Variants in ERC1 observed in about 807,000 individuals in gnomAD.
ERC1 encodes the protein ELKS/RAB6-interacting/CAST family member 1.
In ERC1, 56 loss-of-function variants were observed where a neutral mutation model predicts 132.0. The observed-to-expected ratio is 0.42, with a 90% confidence interval of 0.34 to 0.53. ERC1 has a LOEUF of 0.53. Among genes scored for constraint, ERC1 ranks in the 20% least tolerant of loss-of-function variants. The pLI is 0.03. For missense variants in ERC1, 1,202 were observed against 1,349.9 expected (o/e 0.89, Z 1.72); for synonymous variants, 478 against 476.1 (o/e 1.00, Z -0.05).
At chr12:1,488,530 T>A (rs910532609) in intron 18 of ERC1, among the ~76,000 whole-genome samples, 1 of 152,036 alleles carries the variant, frequency 6.6e-6, no homozygotes, top group Non-Finnish European at 1.5e-5. Context: ...CTCCAAAAAA[T>A]TAAAATTTAA....
intron 1 of ERC1, among the ~76,000 whole-genome samples, chr12:1,012,405 A>G (rs2107643): frequency 0.054 from 8,278 of 152,176 alleles, 368 homozygotes; most frequent in Admixed American, 0.15. Context: ...ACAGACTTAA[A>G]ATTCCTGTGC....
chr12:1,155,313 T>G (rs1951267513), intron 8 of ERC1, among the ~76,000 whole-genome samples: 1 of 50,984 alleles, frequency 2.0e-5, no homozygotes, highest in Non-Finnish European at 3.2e-5. Context: ...AGACTTCATC[T>G]CAAAAAAAAA....
At chr12:1,170,072 G>A (rs575809514) in intron 8 of ERC1, among the ~76,000 whole-genome samples, 76 of 152,172 alleles carry the variant, frequency 5.0e-4, no homozygotes, top group African/African-American at 1.8e-3. Flanking sequence ...GTATGGAAAA[G>A]CTATAAAAAG....
At chr12:1,316,316 TTTCTC>T (rs1452059720) in intron 15 of ERC1, among the ~76,000 whole-genome samples, 1 of 152,208 alleles carries the variant, frequency 6.6e-6, no homozygotes, top group East Asian at 1.9e-4. Flanking sequence ...GAGACTTTCT[TTTCTC>T]TGTTAACCAT....
chr12:1,296,010 G>GAAA (rs77971645), intron 15 of ERC1, among the ~76,000 whole-genome samples: 10,468 of 90,258 alleles, frequency 0.12, 469 homozygotes, highest in South Asian at 0.22. Flanking sequence ...TGGTTTAACA[G>GAAA]AAAAAAAAAA....
chr12:1,251,358 G>A (rs190238965), intron 13 of ERC1, among the ~76,000 whole-genome samples: 115 of 152,052 alleles, frequency 7.6e-4, no homozygotes, highest in Non-Finnish European at 1.3e-3. Context: ...CTATTTAAAT[G>A]TTTAATCCTG....
intron 8 of ERC1, among the ~76,000 whole-genome samples, chr12:1,179,594 G>A (rs1433150191): frequency 7.3e-6 from 1 of 136,788 alleles, no homozygotes; most frequent in East Asian, 2.4e-4. Flanking sequence ...TGCAGGCTCC[G>A]CCTCCCGGGT....
rs1214746157 is a variant in ERC1, at chr12:1,190,462, G to A, written c.2351+410G>A. ...TTGTTGTTGAGCTAATGCTCTGTTG[G>A]GCTATAAATTTTTAGACTTTTCACA... On this transcript the variant is annotated intron_variant, in intron 12 of 18. Transcript: ENST00000360905. Among the ~76,000 whole-genome samples the A allele has an allele frequency of 2.0e-5, 3 of 152,036 alleles. No individual in the cohort carries two copies. In the South Asian group the frequency reaches 6.2e-4, roughly 32 times the overall value.
chr12:1,206,830 T>C (rs1957391778), intron 12 of ERC1, among the ~76,000 whole-genome samples: 1 of 152,114 alleles, frequency 6.6e-6, no homozygotes, highest in African/African-American at 2.4e-5. Flanking sequence ...TAGACTTGTT[T>C]TTAAAACAAA....
chr12:1,348,572 A>G (rs566768977), intron 15 of ERC1, among the ~76,000 whole-genome samples: 1 of 152,220 alleles, frequency 6.6e-6, no homozygotes, highest in South Asian at 2.1e-4. Flanking sequence ...AGGCGCCCAT[A>G]GTCCCAATTA....
At chr12:1,294,646 A>G (rs1297824931) in intron 15 of ERC1, among the ~76,000 whole-genome samples, 1 of 152,118 alleles carries the variant, frequency 6.6e-6, no homozygotes, top group East Asian at 1.9e-4. Context: ...TATAGGATCA[A>G]CCCTCATCCC....
chr12:1,145,302 C>T (rs1950250035), intron 8 of ERC1, among the ~76,000 whole-genome samples: 1 of 152,186 alleles, frequency 6.6e-6, no homozygotes, highest in Non-Finnish European at 1.5e-5. Context: ...CAGGTGTGAG[C>T]CACCGCACCC....
intron 16 of ERC1, among the ~76,000 whole-genome samples, chr12:1,382,059 C>T (rs1343326155): frequency 1.3e-5 from 2 of 152,128 alleles, no homozygotes; most frequent in African/African-American, 4.8e-5. Context: ...ATAACCATTC[C>T]TGTCTTGTTT....
intron 17 of ERC1, among the ~76,000 whole-genome samples, chr12:1,430,027 C>G (rs1332760657): frequency 1.3e-5 from 2 of 152,138 alleles, no homozygotes; most frequent in African/African-American, 4.8e-5. Context: ...CTCATGGGAC[C>G]GCAATTATCT....
intron 18 of ERC1, among the ~76,000 whole-genome samples, chr12:1,468,555 TC>T (rs2093793416): frequency 6.6e-6 from 1 of 151,460 alleles, no homozygotes; most frequent in African/African-American, 2.4e-5. Flanking sequence ...TGAGCTGAGA[TC>T]ATGCCACTGC....
chr12:1,340,314 G>GTTA (rs1406762039), intron 15 of ERC1, among the ~76,000 whole-genome samples: 1 of 152,066 alleles, frequency 6.6e-6, no homozygotes. Context: ...GTTCCCCTGG[G>GTTA]GCTAAAGTCT....
intron 8 of ERC1, among the ~76,000 whole-genome samples, chr12:1,161,366 G>C (rs1394833279): frequency 1.3e-5 from 2 of 152,056 alleles, no homozygotes. Context: ...AAACGAGGAG[G>C]GGTGTTCCTT....
intron 1 of ERC1, among the ~76,000 whole-genome samples, chr12:1,014,078 C>T (rs769201197): frequency 4.0e-5 from 6 of 151,668 alleles, no homozygotes; most frequent in Non-Finnish European, 7.4e-5. Context: ...TCTGTCTATG[C>T]CTAGCCCATT....
At chr12:1,350,682 C>T (rs1462337106) in intron 15 of ERC1, among the ~76,000 whole-genome samples, 1 of 152,160 alleles carries the variant, frequency 6.6e-6, no homozygotes, top group African/African-American at 2.4e-5. Flanking sequence ...GTTCATCCTC[C>T]TTAGAGTGTA....
Sources: gnomAD v4.1 joint callset for allele counts (sites outside exome capture counted in the v4.1 genomes callset) on GRCh38, gnomAD v4.1.1 for gene constraint, MANE v1.5 for transcripts, NCBI Gene and HGNC (gene_info 2026-07-23, HGNC 2026-07-21) for gene names.